The following C19orf38 variants were observed in gnomAD, a reference collection of about 807,000 sequenced individuals.
The protein encoded by C19orf38 is chromosome 19 open reading frame 38, also known as protein HIDE1.
A neutral mutation model predicts 26.6 loss-of-function variants in C19orf38; 14 were observed. That is an observed-to-expected ratio of 0.53 (90% CI 0.35 to 0.82). The LOEUF is 0.82. Ranked by LOEUF, C19orf38 falls within the 40% of genes least tolerant of loss-of-function variation. The probability of loss-of-function intolerance (pLI) is 0.01; values close to 1 mark genes in which losing one functional copy is unlikely to be tolerated. For missense variants in C19orf38, 261 were observed against 299.5 expected, an observed-to-expected ratio of 0.87 and a Z score of 0.95; for synonymous variants, 132 against 128.5, an observed-to-expected ratio of 1.03 and a Z score of -0.18.
intron 1 of C19orf38, among the ~76,000 whole-genome samples, chr19:10,837,479 C>CT (rs1212470227): frequency 8.6e-4 from 57 of 66,364 alleles, no homozygotes; most frequent in South Asian, 1.4e-3. Context: ...TCTTTTTTTT[C>CT]TTTTTTTTTT....
intron 2 of C19orf38, among the ~76,000 whole-genome samples, chr19:10,853,650 C>CA (rs2073595542): frequency 6.9e-6 from 1 of 145,812 alleles, no homozygotes; most frequent in African/African-American, 2.6e-5. Flanking sequence ...AGTACAGTGG[C>CA]ACGATCTCGG....
chr19:10,851,379 C>T (rs1031973508), intron 2 of C19orf38, among the ~76,000 whole-genome samples: 4 of 147,024 alleles, frequency 2.7e-5, no homozygotes, highest in African/African-American at 5.1e-5. Context: ...GAGACAAGGT[C>T]GTGCAGACTA....
intron 2 of C19orf38, among the ~76,000 whole-genome samples, chr19:10,855,636 C>T (rs2073617278): frequency 6.6e-6 from 1 of 152,232 alleles, no homozygotes; most frequent in African/African-American, 2.4e-5. Flanking sequence ...TCAAGTGATT[C>T]TCCTGCCTCA....
chr19:10,858,157 G>A (rs1432754916), intron 3 of C19orf38, among the ~76,000 whole-genome samples, 159 bp from the exon 4 acceptor site: 2 of 146,146 alleles, frequency 1.4e-5, no homozygotes, highest in East Asian at 4.2e-4. Context: ...AAATCCAGGA[G>A]GCAGAGGTTG....
At chr19:10,838,780 C>T (rs1454789002) in intron 1 of C19orf38, among the ~76,000 whole-genome samples, 1 of 152,156 alleles carries the variant, frequency 6.6e-6, no homozygotes, top group East Asian at 1.9e-4. Flanking sequence ...GCCTGATTTA[C>T]ATAGGGGATG....
intron 5 of C19orf38, chr19:10,860,209 G>A: frequency 2.2e-6 from 1 of 460,256 alleles, no homozygotes. Context: ...AGGACCCCAG[G>A]TCCGACCATT....
In C19orf38 at chr19:10,850,468, G is replaced by T. The variant is rs1156700500; in HGVS notation, c.241G>T (p.Ala81Ser). 7.1e-6 allele frequency: 11 copies of T among 1,551,480 alleles called. No homozygotes were observed. The highest frequency in any genetic ancestry group is 2.4e-5 in the East Asian group (1 of 40,922). ...TAACCTGAGCGGCGGCAGCAGCAAG[G>T]CTCCAGGGGGACCCTTCCACTGCCA... The part of the protein sequence containing the change: ...TFNLSGGSSK[A>S]PGGPFHCQYG... Residue 81 changes from alanine (A) to serine (S), a missense_variant, in exon 2 of 7, where the codon GCT becomes TCT. Physicochemically the swap from Ala to Ser is moderately conservative, Grantham distance 99. Coordinates refer to ENST00000397820, the MANE Select transcript of C19orf38 (RefSeq NM_001136482.3).
intron 3 of C19orf38, among the ~76,000 whole-genome samples, chr19:10,857,366 A>ATATATATATATTTTTTTTTTT (rs1433358051): frequency 1.8e-5 from 1 of 56,080 alleles, no homozygotes; most frequent in African/African-American, 1.7e-4. Context: ...ATATATATAT[A>ATATATATATATTTTTTTTTTT]TTTTTTTTTT....
At chr19:10,857,988 G>A (rs1371717935) in intron 3 of C19orf38, among the ~76,000 whole-genome samples, 1 of 151,838 alleles carries the variant, frequency 6.6e-6, no homozygotes. Context: ...CCAGCACTTT[G>A]AAAGGCCGAG....
At chr19:10,839,705 A>G (rs920925906) in intron 1 of C19orf38, among the ~76,000 whole-genome samples, 2 of 150,376 alleles carry the variant, frequency 1.3e-5, no homozygotes, top group Admixed American at 1.3e-4. Flanking sequence ...TTGTATGTAC[A>G]TACCACAATC....
At chr19:10,864,626 C>T (rs774243886) in intron 6 of C19orf38, among the ~76,000 whole-genome samples, 2 of 152,056 alleles carry the variant, frequency 1.3e-5, no homozygotes, top group East Asian at 1.9e-4. Flanking sequence ...TTGGGGAAAG[C>T]GGGGATCAGT....
intron 6 of C19orf38, among the ~76,000 whole-genome samples, chr19:10,868,106 G>T (rs192450608): frequency 6.8e-6 from 1 of 147,892 alleles, no homozygotes; most frequent in East Asian, 1.9e-4. Flanking sequence ...ATTTCTTTTG[G>T]AGTCTCTGCT....
chr19:10,842,095 C>T, intron 1 of C19orf38: 2 of 1,585,314 alleles, frequency 1.3e-6, no homozygotes, highest in Non-Finnish European at 1.7e-6. Flanking sequence ...CAGCAGACTC[C>T]CGTAGGTAAT....
upstream of C19orf38, among the ~76,000 whole-genome samples, chr19:10,847,524 C>T (rs1478694991): frequency 6.6e-6 from 1 of 152,034 alleles, no homozygotes; most frequent in Non-Finnish European, 1.5e-5. Flanking sequence ...CAGGCGTGTG[C>T]CACCACGCCC....
chr19:10,841,815 C>G (rs926716154), intron 1 of C19orf38: 52 of 1,242,144 alleles, frequency 4.2e-5, no homozygotes, highest in Non-Finnish European at 3.5e-6. Context: ...TCCACAAAAA[C>G]ATTTTTTAAA....
intron 2 of C19orf38, 92 bp downstream of exon 2, chr19:10,850,659 A>G: frequency 3.7e-6 from 5 of 1,368,020 alleles, no homozygotes; most frequent in Non-Finnish European, 5.0e-6. Context: ...CCTTCCCAGA[A>G]AAAGCCAGGC....
At chr19:10,866,671 C>T (rs578251287) in intron 6 of C19orf38, among the ~76,000 whole-genome samples, 3 of 150,478 alleles carry the variant, frequency 2.0e-5, no homozygotes, top group East Asian at 4.0e-4. Flanking sequence ...TTTTTGGAGA[C>T]GGAGTTTCGC....
At chr19:10,862,329 T>C (rs1231308343) in intron 5 of C19orf38, among the ~76,000 whole-genome samples, 1 of 151,288 alleles carries the variant, frequency 6.6e-6, no homozygotes, top group Middle Eastern at 3.4e-3. Flanking sequence ...CTCAGCCTCC[T>C]GAGTAGCTGG....
chr19:10,866,162 C>G (rs2073749204), intron 6 of C19orf38, among the ~76,000 whole-genome samples: 1 of 151,252 alleles, frequency 6.6e-6, no homozygotes, highest in Non-Finnish European at 1.5e-5. Context: ...CTCAGCCTCC[C>G]AAGTAGCTGG....
Sources: gnomAD v4.1 joint callset for allele counts (sites outside exome capture counted in the v4.1 genomes callset) on GRCh38, gnomAD v4.1.1 for gene constraint, MANE v1.5 for transcripts, NCBI Gene and HGNC (gene_info 2026-07-23, HGNC 2026-07-21) for gene names.